CCSER1: variants seen among roughly 807,000 people sequenced by gnomAD.
CCSER1 encodes serine-rich coiled-coil domain-containing protein 1.
Under a neutral mutation model 82.0 loss-of-function variants are expected in CCSER1, and 41 were observed. The observed-to-expected ratio is 0.50, with a 90% CI of 0.39 to 0.65. The LOEUF (loss-of-function observed/expected upper bound fraction) is 0.65, where lower values mean the gene tolerates loss of function less well. Among genes scored for constraint, CCSER1 ranks in the 30% least tolerant of loss-of-function variants. CCSER1 has a pLI of 0.00. For missense variants in CCSER1, 1,119 were observed against 1,064.2 expected (o/e 1.05, Z -0.72); for synonymous variants, 414 against 383.9 (o/e 1.08, Z -0.92).
At chr4:91,572,770 TG>T (rs1165438332) in intron 10 of CCSER1, among the ~76,000 whole-genome samples, 1 of 149,644 alleles carries the variant, frequency 6.7e-6, no homozygotes, top group African/African-American at 2.5e-5. Context: ...AAGACCAGCC[TG>T]GGCAACATGT....
intron 3 of CCSER1, among the ~76,000 whole-genome samples, chr4:90,343,484 G>A (rs1477826291): frequency 1.3e-5 from 2 of 152,122 alleles, no homozygotes; most frequent in Non-Finnish European, 2.9e-5. Flanking sequence ...GGGTGGTAGT[G>A]GAGCGCGTTT....
intron 10 of CCSER1, among the ~76,000 whole-genome samples, chr4:91,230,164 T>C (rs1207281047): frequency 6.6e-6 from 1 of 152,106 alleles, no homozygotes; most frequent in African/African-American, 2.4e-5. Flanking sequence ...AACTTTTCTA[T>C]ATATAGAAAA....
At position 90,137,385 on chromosome 4, in the gene CCSER1, C is replaced by T. The variant is rs555432735; in HGVS notation, c.-42+9554C>T. 5.9e-5 allele frequency among the ~76,000 whole-genome samples: 9 copies of T among 152,098 alleles called. No homozygotes were observed. In the South Asian group the frequency reaches 1.7e-3, roughly 28 times the overall value. ...TTCAGTTTCTGATAGGAGGAAGGGA[C>T]CTGAAATGGGAAGTTTTACGTTGAT... is the stretch of plus-strand genomic sequence containing the variant. On this transcript the variant is annotated intron_variant, in intron 1 of 10. Transcript: ENST00000509176.
chr4:90,563,135 C>T (rs781704952), intron 5 of CCSER1, among the ~76,000 whole-genome samples: 42 of 150,802 alleles, frequency 2.8e-4, no homozygotes, highest in African/African-American at 5.4e-4. Flanking sequence ...TTTTTTGAGA[C>T]GAAGTCTTGC....
At chr4:90,455,169 A>G (rs1762007102) in intron 4 of CCSER1, among the ~76,000 whole-genome samples, 1 of 152,190 alleles carries the variant, frequency 6.6e-6, no homozygotes, top group African/African-American at 2.4e-5. Context: ...GGGACTTCAA[A>G]CCATTTGCTC....
chr4:91,198,271 T>G (rs1234193040), intron 10 of CCSER1, among the ~76,000 whole-genome samples: 1 of 152,146 alleles, frequency 6.6e-6, no homozygotes, highest in Non-Finnish European at 1.5e-5. Context: ...ATTTTAAAAA[T>G]AGATTTTCAC....
intron 8 of CCSER1, among the ~76,000 whole-genome samples, chr4:90,817,247 A>G (rs1226438783): frequency 6.6e-6 from 1 of 152,106 alleles, no homozygotes; most frequent in Admixed American, 6.5e-5. Context: ...AAAATAATCA[A>G]TTTTAACATA....
At chr4:91,140,233 G>A (rs1003480361) in intron 10 of CCSER1, among the ~76,000 whole-genome samples, 8 of 151,712 alleles carry the variant, frequency 5.3e-5, no homozygotes, top group Admixed American at 1.3e-4. Flanking sequence ...GTATAATGAT[G>A]AGAAAAAGAT....
At chr4:91,181,753 G>A (rs1413087636) in intron 10 of CCSER1, among the ~76,000 whole-genome samples, 1 of 152,170 alleles carries the variant, frequency 6.6e-6, no homozygotes, top group Non-Finnish European at 1.5e-5. Context: ...TCCTAAACAA[G>A]TACGTTCATT....
chr4:90,475,758 C>T (rs894033486), intron 5 of CCSER1, among the ~76,000 whole-genome samples: 3 of 152,174 alleles, frequency 2.0e-5, no homozygotes, highest in African/African-American at 7.2e-5. Flanking sequence ...GACTCTCATG[C>T]ACCCATGACT....
chr4:91,169,642 G>C (rs1732546168), intron 10 of CCSER1, among the ~76,000 whole-genome samples: 1 of 151,824 alleles, frequency 6.6e-6, no homozygotes, highest in African/African-American at 2.4e-5. Context: ...AAGTAAACTT[G>C]TATTTAAATA....
intron 1 of CCSER1, among the ~76,000 whole-genome samples, chr4:90,254,871 T>C (rs2153444209): frequency 6.6e-6 from 1 of 152,260 alleles, no homozygotes; most frequent in South Asian, 2.1e-4. Flanking sequence ...AATTTTTACC[T>C]GTTATGGTTG....
intron 5 of CCSER1, among the ~76,000 whole-genome samples, chr4:90,516,064 G>T (rs186544371): frequency 5.3e-5 from 8 of 152,280 alleles, no homozygotes; most frequent in Non-Finnish European, 1.0e-4. Flanking sequence ...TTGCAATATT[G>T]TAAGTACTAA....
chr4:90,231,626 A>G (rs994005590), intron 1 of CCSER1, among the ~76,000 whole-genome samples: 4 of 148,778 alleles, frequency 2.7e-5, no homozygotes, highest in African/African-American at 1.0e-4. Context: ...GGCCAGGGCA[A>G]TCAGGCAGGA....
At chr4:90,809,891 C>CTAAA (rs148634848) in intron 7 of CCSER1, among the ~76,000 whole-genome samples, 51,104 of 150,986 alleles carry the variant, frequency 0.34, 8,825 homozygotes, top group East Asian at 0.42. Context: ...TACCCTGTCT[C>CTAAA]TAAATAAATG....
rs557073898 is a variant in CCSER1, at chr4:90,921,377, C to T, written c.2095-1993C>T. Among the ~76,000 whole-genome samples the T allele has an allele frequency of 1.6e-4, 24 of 152,002 alleles. No individual in the cohort carries two copies. The South Asian group carries it at 2.3e-3, about 14-fold the overall frequency. On this transcript the variant is annotated intron_variant, in intron 8 of 10. Transcript: ENST00000509176. ...CATCTGAATATGGCACACGTGCATA[C>T]GTAATACCATAATAAATAATTCAAA...
At chr4:91,236,226 G>A (rs542248390) in intron 10 of CCSER1, among the ~76,000 whole-genome samples, 35 of 152,182 alleles carry the variant, frequency 2.3e-4, no homozygotes, top group Non-Finnish European at 3.1e-4. Context: ...AGTGGCTCAC[G>A]CCTGTAATCC....
intron 8 of CCSER1, among the ~76,000 whole-genome samples, chr4:90,856,860 C>A (rs1764519507): frequency 6.6e-6 from 1 of 151,530 alleles, no homozygotes; most frequent in African/African-American, 2.4e-5. Context: ...ACTTCCAAAT[C>A]TCTATGTAGG....
intron 10 of CCSER1, among the ~76,000 whole-genome samples, chr4:91,244,133 C>T (rs970919819): frequency 8.5e-5 from 13 of 152,264 alleles, no homozygotes; most frequent in East Asian, 3.9e-4. Flanking sequence ...TGGCAGAACC[C>T]CCATGGAGTG....
Sources: allele counts gnomAD v4.1 joint callset (sites outside exome capture counted in the v4.1 genomes callset), GRCh38; gene constraint gnomAD v4.1.1; transcripts MANE v1.5; gene names NCBI Gene and HGNC (gene_info 2026-07-23, HGNC 2026-07-21).